PTPN2: variants seen among roughly 807,000 people sequenced by gnomAD.
PTPN2 encodes the protein protein tyrosine phosphatase non-receptor type 2.
Under a neutral mutation model 57.3 loss-of-function variants are expected in PTPN2, and 19 were observed. The ratio of observed to expected loss-of-function variants is 0.33; its 90% CI spans 0.23 to 0.49. PTPN2 has a LOEUF of 0.49. Among genes scored for constraint, PTPN2 ranks in the 20% least tolerant of loss-of-function variants. PTPN2 has a pLI of 0.99. For synonymous variants in PTPN2, 153 were observed against 164.9 expected (o/e 0.93, Z 0.55); for missense variants, 358 against 501.1 (o/e 0.71, Z 2.73).
downstream of PTPN2, among the ~76,000 whole-genome samples, chr18:12,789,448 T>C (rs988556372): frequency 2.6e-5 from 4 of 152,224 alleles, no homozygotes; most frequent in Non-Finnish European, 5.9e-5. Context: ...ACCATGTAAA[T>C]ATGCCAAAGC....
chr18:12,881,209 C>A (rs1480263153), intron 1 of PTPN2, among the ~76,000 whole-genome samples: 2 of 152,128 alleles, frequency 1.3e-5, no homozygotes, highest in East Asian at 1.9e-4. Context: ...CCGAGGCAGG[C>A]GGATCACCTG....
At chr18:12,798,141 G>C (rs1190188331) in intron 8 of PTPN2, among the ~76,000 whole-genome samples, 4 of 152,136 alleles carry the variant, frequency 2.6e-5, no homozygotes. Flanking sequence ...GTAAGAAATA[G>C]CATCACAACA....
At chr18:12,809,404 C>G (rs528295934) in intron 7 of PTPN2, among the ~76,000 whole-genome samples, 1 of 152,246 alleles carries the variant, frequency 6.6e-6, no homozygotes, top group African/African-American at 2.4e-5. Context: ...TTGTACATGC[C>G]AGAGAAGAAA....
intron 3 of PTPN2, among the ~76,000 whole-genome samples, chr18:12,832,275 C>A (rs1189059834): frequency 6.6e-6 from 1 of 152,148 alleles, no homozygotes; most frequent in Non-Finnish European, 1.5e-5. Context: ...CGCCACCACA[C>A]CTGGCTAAAT....
At chr18:12,859,405 T>C (rs2043710111) in intron 1 of PTPN2, 151 bp from the exon 2 acceptor site, 1 of 549,262 alleles carries the variant, frequency 1.8e-6, no homozygotes. Flanking sequence ...CATTTAATCC[T>C]CACAATACTA....
chr18:12,876,911 C>T (rs1203403490), intron 1 of PTPN2, among the ~76,000 whole-genome samples: 4 of 152,304 alleles, frequency 2.6e-5, no homozygotes, highest in African/African-American at 7.2e-5. Context: ...AAAATTAAGA[C>T]GATTCCCTCT....
At chr18:12,814,442 T>C (rs2041997868) in intron 6 of PTPN2, 87 bp from the exon 7 acceptor site, 1 of 1,184,304 alleles carries the variant, frequency 8.4e-7, no homozygotes, top group Non-Finnish European at 1.2e-6. Flanking sequence ...AGATTTTTGC[T>C]ATGCATTTTC....
chr18:12,867,853 C>A (rs2044044778), intron 1 of PTPN2, among the ~76,000 whole-genome samples: 1 of 152,184 alleles, frequency 6.6e-6, no homozygotes. Context: ...AGTTTCTTTT[C>A]TTTTCTCCAC....
At chr18:12,817,028 CA>C in intron 6 of PTPN2, 127 bp downstream of exon 6, 1 of 894,686 alleles carries the variant, frequency 1.1e-6, no homozygotes, top group Non-Finnish European at 1.7e-6. Context: ...TAGGTTTTTC[CA>C]AAAGTAGAAG....
At chr18:12,806,571 A>G (rs1158524946) in intron 7 of PTPN2, among the ~76,000 whole-genome samples, 2 of 152,246 alleles carry the variant, frequency 1.3e-5, no homozygotes, top group Non-Finnish European at 2.9e-5. Context: ...TAACCAAAAT[A>G]GCATGCTACT....
chr18:12,854,335 G>C (rs2043502874), intron 2 of PTPN2, among the ~76,000 whole-genome samples: 1 of 141,136 alleles, frequency 7.1e-6, no homozygotes, highest in African/African-American at 2.7e-5. Flanking sequence ...ACTCCAGCCT[G>C]AGTGACAGAG....
At chr18:12,817,066 G>A (rs902341589) in intron 6 of PTPN2, 90 bp downstream of exon 6, 68 of 1,235,614 alleles carry the variant, frequency 5.5e-5, no homozygotes, top group South Asian at 5.1e-4. Flanking sequence ...TCAGTTCTGG[G>A]ATACAGCATC....
chr18:12,855,669 G>A (rs1329319348), intron 2 of PTPN2, among the ~76,000 whole-genome samples: 1 of 152,114 alleles, frequency 6.6e-6, no homozygotes, highest in Non-Finnish European at 1.5e-5. Context: ...TGGGGCAGAC[G>A]AGGGCATGAG....
intron 1 of PTPN2, 21 bp downstream of exon 1, chr18:12,884,048 ACTGC>A (rs941484619): frequency 6.4e-7 from 1 of 1,553,570 alleles, no homozygotes; most frequent in Non-Finnish European, 8.7e-7. Flanking sequence ...GAGGTCGGCG[ACTGC>A]CGCGTGGGTC....
rs762120431 is a variant in PTPN2 at position 12,870,462 on chromosome 18, T to TAG, written c.70-11210_70-11209dup. Among the ~76,000 whole-genome samples the TAG allele has an allele frequency of 9.0e-3, 160 of 17,702 alleles. 3 individuals carry two copies. Among genetic ancestry groups the TAG allele is most frequent in the East Asian group, 0.033 (6 of 184 alleles). 11.6% of individuals were successfully genotyped at this position (17,702 alleles called of 152,430 possible). A position where few individuals can be genotyped will look rare whatever the true frequency, so the allele number is the denominator to read the frequency against. ...ATGTGTATATATATATATATATATATAGAGAGAGAGAGAGAGAGAGAGAGA... is the reference window on the plus strand; with the variant it reads ...ATGTGTATATATATATATATATATATAGAGAGAGAGAGAGAGAGAGAGAGAGA... On this transcript the variant is annotated intron_variant, in intron 1 of 8. Coordinates refer to ENST00000309660, the MANE Select transcript of PTPN2 (RefSeq NM_002828.4).
At chr18:12,827,895 A>T (rs1002766904) in intron 4 of PTPN2, among the ~76,000 whole-genome samples, 3 of 152,170 alleles carry the variant, frequency 2.0e-5, no homozygotes, top group South Asian at 2.1e-4. Context: ...TATTTAAAAA[A>T]TTTTAAAAAG....
intron 1 of PTPN2, among the ~76,000 whole-genome samples, chr18:12,883,040 A>G (rs2044714457): frequency 6.6e-6 from 1 of 152,250 alleles, no homozygotes; most frequent in Non-Finnish European, 1.5e-5. Flanking sequence ...AGCGAATCAC[A>G]GGTGTTTATA....
intron 8 of PTPN2, among the ~76,000 whole-genome samples, chr18:12,798,731 T>C (rs935955798): frequency 2.0e-5 from 3 of 152,238 alleles, no homozygotes; most frequent in Non-Finnish European, 2.9e-5. Context: ...TGTGTTTACA[T>C]CTTTACAGTA....
downstream of PTPN2, among the ~76,000 whole-genome samples, chr18:12,789,343 G>C (rs924433508): frequency 6.6e-6 from 1 of 152,192 alleles, no homozygotes; most frequent in African/African-American, 2.4e-5. Context: ...GAGTGGAACA[G>C]GTCAACTCCA....
Sources: gnomAD v4.1 joint callset for allele counts (sites outside exome capture counted in the v4.1 genomes callset) on GRCh38, gnomAD v4.1.1 for gene constraint, MANE v1.5 for transcripts, NCBI Gene and HGNC (gene_info 2026-07-23, HGNC 2026-07-21) for gene names.